The following SGIP1 variants were observed in gnomAD, a reference collection of about 807,000 sequenced individuals.
SGIP1 encodes the protein SH3GL interacting endocytic adaptor 1, also known as SH3-containing GRB2-like protein 3-interacting protein 1.
A neutral mutation model predicts 107.5 loss-of-function variants in SGIP1; 38 were observed. The ratio of observed to expected loss-of-function variants is 0.35; its 90% CI spans 0.27 to 0.46. SGIP1 has a LOEUF of 0.46. SGIP1 is among the 20% of genes least tolerant of loss of function. The pLI, the probability that SGIP1 is intolerant of heterozygous loss-of-function variation, is 1.00. For missense variants in SGIP1, 929 were observed against 1,019.5 expected (o/e 0.91, Z 1.21); for synonymous variants, 365 against 366.1 (o/e 1.00, Z 0.03).
intron 1 of SGIP1, among the ~76,000 whole-genome samples, chr1:66,537,496 G>C (rs2053895715): frequency 6.6e-6 from 1 of 151,948 alleles, no homozygotes; most frequent in South Asian, 2.1e-4. Flanking sequence ...GAGTTTCTTG[G>C]GCTATCTGTC....
intron 1 of SGIP1, among the ~76,000 whole-genome samples, chr1:66,566,795 C>A (rs2059703468): frequency 6.6e-6 from 1 of 151,940 alleles, no homozygotes; most frequent in Non-Finnish European, 1.5e-5. Flanking sequence ...CTGCACCCAT[C>A]AACCCGTCAT....
At chr1:66,555,320 C>G (rs986731376) in intron 1 of SGIP1, among the ~76,000 whole-genome samples, 5 of 152,074 alleles carry the variant, frequency 3.3e-5, no homozygotes, top group Non-Finnish European at 7.4e-5. Context: ...TAAACAGAAC[C>G]TATCCAAAAT....
intron 18 of SGIP1, among the ~76,000 whole-genome samples, chr1:66,716,121 C>A (rs1314881486): frequency 6.6e-6 from 1 of 152,090 alleles, no homozygotes; most frequent in African/African-American, 2.4e-5. Flanking sequence ...GATGCTAAAT[C>A]CCATGCTCTT....
intron 1 of SGIP1, among the ~76,000 whole-genome samples, chr1:66,615,095 A>T (rs1319853755): frequency 1.3e-5 from 2 of 151,878 alleles, no homozygotes; most frequent in Non-Finnish European, 2.9e-5. Flanking sequence ...CACTGGGATT[A>T]CAGGCAGGAG....
At chr1:66,547,253 C>A (rs1156230203) in intron 1 of SGIP1, among the ~76,000 whole-genome samples, 6 of 151,930 alleles carry the variant, frequency 3.9e-5, no homozygotes, top group African/African-American at 1.5e-4. Context: ...AAGATAAGCA[C>A]CTTTCCAAAT....
At chr1:66,649,939 A>C (rs1434913368) in intron 7 of SGIP1, among the ~76,000 whole-genome samples, 2 of 152,140 alleles carry the variant, frequency 1.3e-5, no homozygotes, top group Non-Finnish European at 2.9e-5. Flanking sequence ...TGGTTTCTTC[A>C]TCTATTAATG....
chr1:66,615,471 C>T (rs2069042681), intron 1 of SGIP1, among the ~76,000 whole-genome samples: 1 of 152,160 alleles, frequency 6.6e-6, no homozygotes, highest in Non-Finnish European at 1.5e-5. Flanking sequence ...AATAATTTAA[C>T]TTGAACGATT....
Position 66,653,961 on chromosome 1 carries a change from T to A in SGIP1, c.460-6552T>A, listed in dbSNP as rs76182837. On this transcript the variant is annotated intron_variant, in intron 7 of 24. Coordinates refer to ENST00000371037, the MANE Select transcript of SGIP1 (RefSeq NM_032291.4). The stretch of plus-strand genomic sequence containing the variant: ...CCTACTTTGTGAACAGTTTACTGAA[T>A]GTTGGGTTTCTAACAACAAATCTTG... Among the ~76,000 whole-genome samples, 218 of 152,312 alleles carry A rather than the reference T, an allele frequency of 1.4e-3. 6 individuals carry two copies. In the East Asian group the frequency reaches 0.038, roughly 26 times the overall value.
intron 1 of SGIP1, among the ~76,000 whole-genome samples, chr1:66,549,553 A>G (rs1039075578): frequency 6.6e-6 from 1 of 152,150 alleles, no homozygotes; most frequent in Non-Finnish European, 1.5e-5. Context: ...GTAGAGTCAA[A>G]CATATTTCCT....
At chr1:66,563,480 A>T (rs2148484750) in intron 1 of SGIP1, among the ~76,000 whole-genome samples, 1 of 152,156 alleles carries the variant, frequency 6.6e-6, no homozygotes, top group Admixed American at 6.5e-5. Context: ...AAAGACAACT[A>T]CCAGATCTCC....
intron 7 of SGIP1, among the ~76,000 whole-genome samples, chr1:66,647,497 A>T (rs1245588554): frequency 1.3e-5 from 2 of 152,184 alleles, no homozygotes; most frequent in Admixed American, 6.5e-5. Flanking sequence ...ACAAATGGCT[A>T]TTGGTGGACT....
intron 15 of SGIP1, among the ~76,000 whole-genome samples, chr1:66,684,600 C>T (rs2087742351): frequency 6.6e-6 from 1 of 152,126 alleles, no homozygotes; most frequent in African/African-American, 2.4e-5. Context: ...TAAAGAACAC[C>T]CACTTCCCTC....
At chr1:66,595,706 A>ATATGGAATCCATAT (rs1553244510) in intron 1 of SGIP1, among the ~76,000 whole-genome samples, 1 of 152,220 alleles carries the variant, frequency 6.6e-6, no homozygotes, top group East Asian at 1.9e-4. Flanking sequence ...ACAAGCCATA[A>ATATGGAATCCATAT]TATGGAATCC....
At chr1:66,552,421 CCTTTT>C (rs2057553787) in intron 1 of SGIP1, among the ~76,000 whole-genome samples, 2 of 152,124 alleles carry the variant, frequency 1.3e-5, no homozygotes, top group South Asian at 4.1e-4. Context: ...CACTGCTCCC[CCTTTT>C]CTTCTGCTCT....
chr1:66,745,654 T>G lies in SGIP1; in HGVS notation c.*2559T>G, dbSNP rs545260197. ...AATGAACTAGTAGGTAATAAAACTA[T>G]TTTCAGTACTAGGGGTTAAAACAAA... On this transcript the variant is annotated 3_prime_UTR_variant, in exon 25 of 25. Transcript: ENST00000371037. The G allele has an allele frequency of 9.2e-5, 14 of 152,052 alleles. No individual in the cohort carries two copies. Among genetic ancestry groups the G allele is most frequent in the Admixed American group, 7.9e-4 (12 of 15,270 alleles). 9.4% of individuals were successfully genotyped at this position (152,052 alleles called of 1,614,324 possible). A position where few individuals can be genotyped will look rare whatever the true frequency, so the allele number is the denominator to read the frequency against.
Position 66,682,268 on chromosome 1 carries a change from T to G in SGIP1, c.1214T>G (p.Leu405Trp). Residue 405 changes from leucine to tryptophan, a missense_variant, in exon 15 of 25, where the codon TTG (leucine) becomes TGG (tryptophan). Physicochemically the swap from Leu to Trp is moderately conservative, Grantham distance 61. Coordinates refer to ENST00000371037, the MANE Select transcript of SGIP1 (RefSeq NM_032291.4). ...ATCTCATCTCCTAAAGATTTTGGGTTGGGACAAAGAGCAACTCCACCTCCC... is the reference window on the plus strand; with the variant it reads ...ATCTCATCTCCTAAAGATTTTGGGTGGGGACAAAGAGCAACTCCACCTCCC... ...ETISSPKDFG[L>W]GQRATPPPPP... The G allele has an allele frequency of 6.2e-7, 1 of 1,614,226 alleles. No individual in the cohort carries two copies. Among genetic ancestry groups the G allele is most frequent in the Middle Eastern group, 1.6e-4 (1 of 6,062 alleles).
At chr1:66,548,832 G>A (rs1571156851) in intron 1 of SGIP1, among the ~76,000 whole-genome samples, 1 of 152,066 alleles carries the variant, frequency 6.6e-6, no homozygotes, top group Non-Finnish European at 1.5e-5. Context: ...ATTCACCTGT[G>A]CACTTCTCCA....
chr1:66,540,555 G>C (rs1334185146), intron 1 of SGIP1, among the ~76,000 whole-genome samples: 3 of 152,188 alleles, frequency 2.0e-5, no homozygotes, highest in African/African-American at 7.2e-5. Flanking sequence ...GTTCGACTTG[G>C]AATGTGGGAA....
chr1:66,556,504 C>T (rs981677204), intron 1 of SGIP1, among the ~76,000 whole-genome samples: 1 of 152,076 alleles, frequency 6.6e-6, no homozygotes, highest in Non-Finnish European at 1.5e-5. Context: ...GGTTCAAATT[C>T]ACAAAAGCGT....
Sources: allele counts gnomAD v4.1 joint callset (sites outside exome capture counted in the v4.1 genomes callset), GRCh38; gene constraint gnomAD v4.1.1; transcripts MANE v1.5; gene names NCBI Gene and HGNC (gene_info 2026-07-23, HGNC 2026-07-21).